The following CCNJL variants were observed in gnomAD, a reference collection of about 807,000 sequenced individuals.
The protein encoded by CCNJL is cyclin-J-like protein.
In CCNJL, 33 loss-of-function variants were observed where a neutral mutation model predicts 33.4. The ratio of observed to expected loss-of-function variants is 0.99; its 90% CI spans 0.75 to 1.32. CCNJL has a LOEUF of 1.32. CCNJL is among the 40% of genes most tolerant of loss of function. CCNJL has a pLI of 0.00. For synonymous variants in CCNJL, 227 were observed against 220.9 expected (o/e 1.03, Z -0.24); for missense variants, 512 against 499.7 (o/e 1.02, Z -0.23).
Position 160,259,515 on chromosome 5 carries a change from C to T in CCNJL, c.537G>A (p.Glu179=). The T allele has an allele frequency of 2.5e-6, 4 of 1,614,146 alleles. No homozygotes were observed. The highest frequency in any genetic ancestry group is 3.4e-6 in the Non-Finnish European group (4 of 1,180,014). ...WPTTCPRKTK[E]CLKEYAHYFL... Reference sequence around the variant, plus strand: ...AGTAATGGGCATACTCCTTGAGGCACTCTTTGGTCTTGCGGGGGCAGGTGG... The same window carrying T: ...AGTAATGGGCATACTCCTTGAGGCATTCTTTGGTCTTGCGGGGGCAGGTGG... Residue 179 remains glutamate (E), a synonymous_variant, in exon 4 of 6, where the codon GAG becomes GAA. Coordinates refer to ENST00000257536, the MANE Select transcript of CCNJL (RefSeq NM_001308173.3).
intron 3 of CCNJL, chr5:160,274,685 C>T (rs1761951389): frequency 6.6e-6 from 1 of 152,276 alleles, no homozygotes. Flanking sequence ...AGGATGTGGC[C>T]CCACCTACAG....
chr5:160,281,328 G>C (rs1762205934), intron 2 of CCNJL: 1 of 162,934 alleles, frequency 6.1e-6, no homozygotes, highest in Non-Finnish European at 1.4e-5. Context: ...AATAGTACAA[G>C]GAACTCCCAA....
At chr5:160,291,653 G>C (rs1341294445) in intron 2 of CCNJL, among the ~76,000 whole-genome samples, 1 of 152,194 alleles carries the variant, frequency 6.6e-6, no homozygotes, top group African/African-American at 2.4e-5. Flanking sequence ...TCCCTGGCGT[G>C]ATGCCTAATA....
At chr5:160,304,809 CA>C (rs1316356016) in intron 2 of CCNJL, among the ~76,000 whole-genome samples, 3 of 135,326 alleles carry the variant, frequency 2.2e-5, no homozygotes, top group Admixed American at 7.4e-5. Context: ...GGACCTTGGT[CA>C]CTACTTTCTT....
intron 3 of CCNJL, chr5:160,274,952 GAAGA>G (rs1266454971): frequency 6.6e-6 from 1 of 152,332 alleles, no homozygotes; most frequent in African/African-American, 2.4e-5. Context: ...GAAAAGGAAG[GAAGA>G]GAGGGAATCT....
At chr5:160,333,325 C>T (rs543667992) in intron 1 of CCNJL, among the ~76,000 whole-genome samples, 4 of 152,112 alleles carry the variant, frequency 2.6e-5, no homozygotes, top group East Asian at 3.9e-4. Context: ...GGGGTTTCAC[C>T]GTGTTAGCCT....
chr5:160,297,714 T>C (rs1297100252), intron 2 of CCNJL, among the ~76,000 whole-genome samples: 1 of 141,834 alleles, frequency 7.1e-6, no homozygotes, highest in Admixed American at 7.0e-5. Flanking sequence ...TAAGGGATAA[T>C]AGGGCATTAT....
rs191762392 is a variant in CCNJL at position 160,290,771 on chromosome 5, T to C, written c.67-10033A>G. 4.6e-5 allele frequency among the ~76,000 whole-genome samples: 7 copies of C among 152,166 alleles called. No homozygotes were observed. The East Asian group carries it at 9.6e-4, about 21-fold the overall frequency. On this transcript the variant is annotated intron_variant, in intron 2 of 5. Transcript: ENST00000257536. ...TGATGCAAAAGGAACACCTGATAAT[T>C]ACAAAAACCTCCATATTTCAGGAAT...
At chr5:160,323,585 C>A (rs1047790967) in intron 1 of CCNJL, among the ~76,000 whole-genome samples, 1 of 152,196 alleles carries the variant, frequency 6.6e-6, no homozygotes, top group African/African-American at 2.4e-5. Context: ...TTATGCTTCT[C>A]CAATATCCTG....
At chr5:160,324,959 T>G (rs996406029) in intron 1 of CCNJL, among the ~76,000 whole-genome samples, 1 of 152,222 alleles carries the variant, frequency 6.6e-6, no homozygotes, top group Non-Finnish European at 1.5e-5. Flanking sequence ...TGCAAGGGTA[T>G]ATGCTTCCAA....
At position 160,320,985 on chromosome 5, in the gene CCNJL, T is replaced by C. The variant is rs1423371425; in HGVS notation, n.207-5480A>G. ...CTCTCTGTCTCTCCCTCCCTCTCTC[T>C]CTTTCTTTCTTTCTCTCTCTCTCTC... On this transcript the variant is annotated intron_variant and non_coding_transcript_variant, in intron 1 of 7. Coordinates refer to the CCNJL transcript ENST00000377503. 7.2e-4 allele frequency among the ~76,000 whole-genome samples: 57 copies of C among 78,998 alleles called. 4 individuals are homozygous for C. The highest frequency in any genetic ancestry group is 3.2e-3 in the African/African-American group (48 of 15,168). The allele number at this position is 78,998 out of a possible 152,430, so 51.8% of individuals were successfully genotyped here. A position where few individuals can be genotyped will look rare whatever the true frequency, so the allele number is the denominator to read the frequency against.
chr5:160,311,437 A>G (rs969816575), intron 2 of CCNJL, among the ~76,000 whole-genome samples: 1 of 152,224 alleles, frequency 6.6e-6, no homozygotes, highest in African/African-American at 2.4e-5. Context: ...CTGCGACATC[A>G]TTATTACAAT....
At chr5:160,332,234 G>T (rs751518039) in intron 1 of CCNJL, among the ~76,000 whole-genome samples, 51 of 152,194 alleles carry the variant, frequency 3.4e-4, no homozygotes, top group South Asian at 1.2e-3. Flanking sequence ...CACACATGCT[G>T]CCTGCTTTCT....
At chr5:160,338,797 C>A (rs1763713841) in intron 1 of CCNJL, among the ~76,000 whole-genome samples, 1 of 151,544 alleles carries the variant, frequency 6.6e-6, no homozygotes, top group Non-Finnish European at 1.5e-5. Context: ...TACTCTTCTT[C>A]TTCTTTTTTT....
chr5:160,304,890 T>C (rs1374839148), intron 2 of CCNJL, among the ~76,000 whole-genome samples: 3 of 152,000 alleles, frequency 2.0e-5, no homozygotes, highest in Non-Finnish European at 2.9e-5. Context: ...CTCAGCTCAC[T>C]GCAACGTCCG....
rs572601414 is a variant in CCNJL, at chr5:160,261,756, G to T, written c.281-1985C>A. Among the ~76,000 whole-genome samples, 19 of 152,266 alleles carry T rather than the reference G, an allele frequency of 1.2e-4. No homozygotes were observed. The East Asian group carries it at 2.9e-3, about 23-fold the overall frequency. On this transcript the variant is annotated intron_variant, in intron 3 of 5. Coordinates refer to ENST00000257536, the MANE Select transcript of CCNJL (RefSeq NM_001308173.3). The stretch of plus-strand genomic sequence containing the variant: ...CCAGAGCTCAGTTTAGAGACCTCCA[G>T]ATATTAAACGGACTTCCTACACTTA...
rs1337275242 is a variant in CCNJL, at chr5:160,252,382, T to C, written c.*996A>G. On this transcript the variant is annotated 3_prime_UTR_variant, in exon 6 of 6. Coordinates refer to ENST00000257536, the MANE Select transcript of CCNJL (RefSeq NM_001308173.3). Reference sequence around the variant, plus strand: ...AGCCACACTCAAAGCCTAGACTGGGTTAAACTCATGCCCTGTAAGTATGTG... The same window carrying C: ...AGCCACACTCAAAGCCTAGACTGGGCTAAACTCATGCCCTGTAAGTATGTG... The C allele has an allele frequency of 2.0e-5, 3 of 152,372 alleles. No homozygotes were observed. The highest frequency in any genetic ancestry group is 4.4e-5 in the Non-Finnish European group (3 of 68,044). The allele number at this position is 152,372 out of a possible 1,614,324, so 9.4% of individuals were successfully genotyped here. A position where few individuals can be genotyped will look rare whatever the true frequency, so the allele number is the denominator to read the frequency against.
chr5:160,338,990 T>C (rs1763717162), intron 1 of CCNJL, among the ~76,000 whole-genome samples: 1 of 152,098 alleles, frequency 6.6e-6, no homozygotes, highest in Non-Finnish European at 1.5e-5. Context: ...GGTTTCACCC[T>C]GTTGGCCAGG....
chr5:160,279,299 A>G (rs1262636501), intron 3 of CCNJL, among the ~76,000 whole-genome samples: 1 of 152,246 alleles, frequency 6.6e-6, no homozygotes, highest in Non-Finnish European at 1.5e-5. Context: ...CTGACTGTCA[A>G]GGATAAAATA....
Sources: gnomAD v4.1 joint callset for allele counts (sites outside exome capture counted in the v4.1 genomes callset) on GRCh38, gnomAD v4.1.1 for gene constraint, MANE v1.5 for transcripts, NCBI Gene and HGNC (gene_info 2026-07-23, HGNC 2026-07-21) for gene names.